PDE3A: variants seen among roughly 807,000 people sequenced by gnomAD.
PDE3A encodes the protein cGMP-inhibited 3',5'-cyclic phosphodiesterase 3A.
In PDE3A, 43 loss-of-function variants were observed where a neutral mutation model predicts 98.3. That is an observed-to-expected ratio of 0.44 (90% CI 0.34 to 0.56). The LOEUF is 0.56. Ranked by LOEUF, PDE3A falls within the 20% of genes least tolerant of loss-of-function variation. The probability of loss-of-function intolerance (pLI) is 0.01; values close to 1 mark genes in which losing one functional copy is unlikely to be tolerated. For synonymous variants in PDE3A, 663 were observed against 567.9 expected (o/e 1.17, Z -2.38); for missense variants, 1,427 against 1,440.7 (o/e 0.99, Z 0.15).
chr12:20,578,474 T>TACAC (rs5796870), intron 2 of PDE3A, among the ~76,000 whole-genome samples: 2,172 of 148,542 alleles, frequency 0.015, 55 homozygotes, highest in African/African-American at 0.046. Flanking sequence ...ATACAACTAA[T>TACAC]ACACACACAC....
intron 1 of PDE3A, among the ~76,000 whole-genome samples, chr12:20,422,063 C>A (rs1008826768): frequency 1.3e-5 from 2 of 152,142 alleles, no homozygotes; most frequent in Non-Finnish European, 2.9e-5. Context: ...TTTAGGGCGG[C>A]AGGCCGGGCG....
chr12:20,441,759 T>G (rs1410229365), intron 1 of PDE3A, among the ~76,000 whole-genome samples: 9 of 151,998 alleles, frequency 5.9e-5, no homozygotes, highest in African/African-American at 2.2e-4. Context: ...TCCTCCCAAT[T>G]ACTCTGTCTC....
intron 10 of PDE3A, 98 bp from the exon 11 acceptor site, chr12:20,646,392 A>G: frequency 1.5e-6 from 1 of 681,928 alleles, no homozygotes; most frequent in Non-Finnish European, 2.6e-6. Flanking sequence ...GGAAATAGTA[A>G]AATGTTAGGA....
At chr12:20,648,917 TTTTC>T (rs751651197) in intron 13 of PDE3A, 26 bp downstream of exon 13, 23 of 1,099,532 alleles carry the variant, frequency 2.1e-5, no homozygotes, top group Non-Finnish European at 2.0e-5. Flanking sequence ...CCCAGTTTTC[TTTTC>T]TTTTTCTTTT....
At chr12:20,516,606 G>T (rs950482568) in intron 1 of PDE3A, among the ~76,000 whole-genome samples, 3 of 152,032 alleles carry the variant, frequency 2.0e-5, no homozygotes, top group Non-Finnish European at 2.9e-5. Flanking sequence ...TTCTAATGAG[G>T]TTTCTTTAAA....
intron 2 of PDE3A, among the ~76,000 whole-genome samples, chr12:20,608,128 G>T (rs934495535): frequency 6.6e-6 from 1 of 152,026 alleles, no homozygotes; most frequent in African/African-American, 2.4e-5. Context: ...TAGCTTACCT[G>T]CTATTTATTG....
At chr12:20,650,637 T>G in intron 14 of PDE3A, 37 bp downstream of exon 14, 7 of 1,382,836 alleles carry the variant, frequency 5.1e-6, no homozygotes, top group Non-Finnish European at 7.1e-6. Flanking sequence ...TAATCTGTAC[T>G]TACAGGTTGC....
At chr12:20,491,335 G>A (rs112486001) in intron 1 of PDE3A, among the ~76,000 whole-genome samples, 3 of 152,266 alleles carry the variant, frequency 2.0e-5, no homozygotes, top group African/African-American at 7.2e-5. Flanking sequence ...AAAATAAGGG[G>A]ACGAACATTC....
intron 1 of PDE3A, among the ~76,000 whole-genome samples, chr12:20,445,195 G>A (rs778100447): frequency 2.6e-5 from 4 of 152,168 alleles, no homozygotes; most frequent in Non-Finnish European, 4.4e-5. Context: ...AATGGAAGTC[G>A]AGAGGTGAAG....
chr12:20,685,404 TG>T lies in PDE3A; in HGVS notation c.*5134del. ...AGCCTGGGCAACAGGAGTTAAATTT[TG>T]CCTCAAAAAAAAAAAAAAAAAAAAA... On this transcript the variant is annotated 3_prime_UTR_variant, in exon 16 of 16. Transcript: ENST00000359062. Among the ~76,000 whole-genome samples, 1 of 84,694 alleles carries T rather than the reference TG, an allele frequency of 1.2e-5. No individual in the cohort carries two copies. The highest frequency in any genetic ancestry group is 1.4e-4 in the Admixed American group (1 of 7,160). 55.6% of individuals were successfully genotyped at this position (84,694 alleles called of 152,430 possible). A position where few individuals can be genotyped will look rare whatever the true frequency, so the allele number is the denominator to read the frequency against.
Position 20,385,984 on chromosome 12 carries a change from A to AT in PDE3A, c.960+15740_960+15741insT, listed in dbSNP as rs1565532264. ...TTAATTATATTAATTATTAATATATAATATATATAAAATATATATATAAAT... is the reference window on the plus strand; with the variant it reads ...TTAATTATATTAATTATTAATATATATATATATATAAAATATATATATAAAT... On this transcript the variant is annotated intron_variant, in intron 1 of 15. Transcript: ENST00000359062. Among the ~76,000 whole-genome samples the AT allele has an allele frequency of 2.3e-3, 223 of 98,404 alleles. 2 individuals are homozygous for AT. The highest frequency in any genetic ancestry group is 9.3e-3 in the African/African-American group (215 of 23,106). The allele number at this position is 98,404 out of a possible 152,430, so 64.6% of individuals were successfully genotyped here. A position where few individuals can be genotyped will look rare whatever the true frequency, so the allele number is the denominator to read the frequency against.
intron 15 of PDE3A, among the ~76,000 whole-genome samples, chr12:20,672,128 T>C (rs1451637535): frequency 6.7e-6 from 1 of 150,008 alleles, no homozygotes; most frequent in African/African-American, 2.5e-5. Flanking sequence ...TACCTAGGAA[T>C]CCAACTTACA....
chr12:20,536,905 T>C (rs1009602705), intron 1 of PDE3A, among the ~76,000 whole-genome samples: 4 of 152,096 alleles, frequency 2.6e-5, no homozygotes, highest in South Asian at 2.1e-4. Flanking sequence ...AATATACATC[T>C]AGAAGTGAAA....
chr12:20,453,172 G>GTTT (rs1565554312), intron 1 of PDE3A, among the ~76,000 whole-genome samples: 2 of 117,762 alleles, frequency 1.7e-5, no homozygotes, highest in African/African-American at 6.3e-5. Context: ...ACTTGATAAT[G>GTTT]CTTTTTTTTT....
At chr12:20,378,205 C>T (rs529295307) in intron 1 of PDE3A, among the ~76,000 whole-genome samples, 1 of 151,658 alleles carries the variant, frequency 6.6e-6, no homozygotes, top group East Asian at 1.9e-4. Context: ...GTTTTGGAGC[C>T]ATTTTCTGAG....
At chr12:20,403,523 C>A (rs1165055972) in intron 1 of PDE3A, among the ~76,000 whole-genome samples, 2 of 152,080 alleles carry the variant, frequency 1.3e-5, no homozygotes, top group African/African-American at 4.8e-5. Flanking sequence ...TTTGTGAGCA[C>A]CATTCCATTT....
chr12:20,467,308 T>C (rs77463813), intron 1 of PDE3A, among the ~76,000 whole-genome samples: 1 of 56,036 alleles, frequency 1.8e-5, no homozygotes, highest in Non-Finnish European at 3.4e-5. Context: ...TGATGATGCT[T>C]TTTTTTTGTT....
chr12:20,404,940 C>T (rs926341411), intron 1 of PDE3A, among the ~76,000 whole-genome samples: 1 of 147,640 alleles, frequency 6.8e-6, no homozygotes, highest in Non-Finnish European at 1.5e-5. Flanking sequence ...TTCCCTACTG[C>T]TTGCCGACTC....
intron 1 of PDE3A, among the ~76,000 whole-genome samples, chr12:20,391,213 C>A (rs1021099026): frequency 6.6e-6 from 1 of 151,498 alleles, no homozygotes; most frequent in Non-Finnish European, 1.5e-5. Flanking sequence ...AGGTTGAGTT[C>A]CACTTTGATG....
Sources: allele counts gnomAD v4.1 joint callset (sites outside exome capture counted in the v4.1 genomes callset), GRCh38; gene constraint gnomAD v4.1.1; transcripts MANE v1.5; gene names NCBI Gene and HGNC (gene_info 2026-07-23, HGNC 2026-07-21).